The following OR51L1 variants were observed in gnomAD, a reference collection of about 807,000 sequenced individuals.
OR51L1 encodes olfactory receptor 51L1.
Under a neutral mutation model 1.4 loss-of-function variants are expected in OR51L1, and 1 was observed. The ratio of observed to expected loss-of-function variants is 0.72; its 90% CI spans 0.26 to 3.42. The LOEUF (loss-of-function observed/expected upper bound fraction) is 3.42, where lower values mean the gene tolerates loss of function less well. Ranked by LOEUF, OR51L1 falls within the 30% of genes most tolerant of loss-of-function variation. OR51L1 has a pLI of 0.20. For missense variants in OR51L1, 378 were observed against 380.0 expected, an observed-to-expected ratio of 0.99 and a Z score of 0.04; for synonymous variants, 156 against 144.2, an observed-to-expected ratio of 1.08 and a Z score of -0.59.
At chr11:4,996,672 T>TTAGGGGACTTGCACA (rs1847071272) in intron 1 of OR51L1, among the ~76,000 whole-genome samples, 1 of 151,934 alleles carries the variant, frequency 6.6e-6, no homozygotes, top group South Asian at 2.1e-4. Flanking sequence ...TCTTTTTCTT[T>TTAGGGGACTTGCACA]TTTTCTCTTT....
chr11:4,996,696 TC>T (rs1332417890), intron 1 of OR51L1, among the ~76,000 whole-genome samples: 222 of 130,740 alleles, frequency 1.7e-3, no homozygotes, highest in African/African-American at 6.4e-3. Context: ...TCTTTTTCTT[TC>T]TTTTCCTTCC....
rs1289455190 is a variant in OR51L1, at chr11:5,001,807, C to T, written c.*1877C>T. 1 of 152,056 alleles carries T rather than the reference C, an allele frequency of 6.6e-6. No individual in the cohort carries two copies. Among genetic ancestry groups the T allele is most frequent in the East Asian group, 1.9e-4 (1 of 5,190 alleles). 9.4% of individuals were successfully genotyped at this position (152,056 alleles called of 1,614,324 possible). The stretch of plus-strand genomic sequence containing the variant: ...GTCTTCCCCAACAATCATGAGTACT[C>T]ATTAAATAATTGAAATAACTATTAT... On this transcript the variant is annotated 3_prime_UTR_variant, in exon 3 of 3. Transcript: ENST00000641819.
Position 4,999,508 on chromosome 11 carries a change from CT to C in OR51L1, c.527del (p.Leu176ProfsTer12), listed in dbSNP as rs921350421. 10 of 1,614,066 alleles carry C rather than the reference CT, an allele frequency of 6.2e-6. No individual in the cohort carries two copies. Among genetic ancestry groups the C allele is most frequent in the Non-Finnish European group, 8.5e-6 (10 of 1,180,006 alleles). On this transcript the variant is annotated frameshift_variant, in exon 3 of 3. Coordinates refer to ENST00000641819, the MANE Select transcript of OR51L1 (RefSeq NM_001004755.2). LOFTEE classifies it low-confidence loss of function (END_TRUNC). ...RHYHYCHGNALSHAFCLHQDV... is the reference protein window; with the variant it reads ...RHYHYCHGNAXSHAFCLHQDV... The stretch of plus-strand genomic sequence containing the variant: ...CTATCACTACTGCCATGGCAATGCC[CT>C]CTCTCACGCCTTCTGTTTGCACCAG...
At position 5,003,730 on chromosome 11, in the gene OR51L1, G is replaced by A. The variant is rs968715289; in HGVS notation, c.*3800G>A. ...TTTTTAAATCTCTTAAGTTTCAAGC[G>A]GAAGATCAAACACAGTGTGTAAGCC... On this transcript the variant is annotated 3_prime_UTR_variant, in exon 3 of 3. Coordinates refer to ENST00000641819, the MANE Select transcript of OR51L1 (RefSeq NM_001004755.2). 4.0e-5 allele frequency: 6 copies of A among 151,770 alleles called. No individual in the cohort carries two copies. Among genetic ancestry groups the A allele is most frequent in the Non-Finnish European group, 7.4e-5 (5 of 67,958 alleles). 9.4% of individuals were successfully genotyped at this position (151,770 alleles called of 1,614,324 possible). A position where few individuals can be genotyped will look rare whatever the true frequency, so the allele number is the denominator to read the frequency against.
In OR51L1 at chr11:4,999,352, C is replaced by T. The variant is rs143037587; in HGVS notation, c.370C>T (p.Arg124Cys). 1.5e-4 allele frequency: 235 copies of T among 1,614,094 alleles called. 1 individual carries two copies. In the African/African-American group the frequency reaches 2.3e-3, roughly 16 times the overall value. ...SSVLLAMAFD[R>C]FVAICHPLHY... ...AGTGTTGCTGGCCATGGCCTTTGAC[C>T]GTTTTGTTGCTATCTGCCATCCACT... The change falls in exon 3 of 3, where the codon CGT (arginine) becomes TGT (cysteine). Residue 124 changes from arginine to cysteine, a missense_variant. Coordinates refer to ENST00000641819, the MANE Select transcript of OR51L1 (RefSeq NM_001004755.2).
In OR51L1 at chr11:5,004,573, A is replaced by G. The variant is rs1847159885; in HGVS notation, c.*4643A>G. 6.6e-6 allele frequency: 1 copy of G among 152,072 alleles called. No individual in the cohort carries two copies. Among genetic ancestry groups the G allele is most frequent in the African/African-American group, 2.4e-5 (1 of 41,406 alleles). The allele number at this position is 152,072 out of a possible 1,614,324, so 9.4% of individuals were successfully genotyped here. Reference sequence around the variant, plus strand: ...TCATTACACGCCTCTGGTAGAAGAGAGAGAATAATCAAAGAGAAGTACACA... The same window carrying G: ...TCATTACACGCCTCTGGTAGAAGAGGGAGAATAATCAAAGAGAAGTACACA... On this transcript the variant is annotated 3_prime_UTR_variant, in exon 3 of 3. Transcript: ENST00000641819.
intron 2 of OR51L1, among the ~76,000 whole-genome samples, 196 bp from the exon 3 acceptor site, chr11:4,998,628 C>G (rs1252202110): frequency 6.6e-6 from 1 of 152,102 alleles, no homozygotes; most frequent in Non-Finnish European, 1.5e-5. Flanking sequence ...TCGACATTCA[C>G]TCTGACTTTT....
In OR51L1 at chr11:4,999,486, T is replaced by C; in HGVS notation, c.504T>C (p.Tyr168=). 1 of 1,614,140 alleles carries C rather than the reference T, an allele frequency of 6.2e-7. No individual in the cohort carries two copies. Among genetic ancestry groups the C allele is most frequent in the Non-Finnish European group, 8.5e-7 (1 of 1,180,026 alleles). The part of the protein sequence containing the change: ...VLPTPLLLRH[Y]HYCHGNALSH... ...CCACACCTTTGCTACTGAGACACTA[T>C]CACTACTGCCATGGCAATGCCCTCT... Residue 168 remains tyrosine (Y), a synonymous_variant, in exon 3 of 3, where the codon TAT becomes TAC. Coordinates refer to ENST00000641819, the MANE Select transcript of OR51L1 (RefSeq NM_001004755.2).
Position 4,999,484 on chromosome 11 carries a change from T to C in OR51L1, c.502T>C (p.Tyr168His). The part of the protein sequence containing the change: ...VLPTPLLLRH[Y>H]HYCHGNALSH... ...TCCCACACCTTTGCTACTGAGACAC[T>C]ATCACTACTGCCATGGCAATGCCCT... Residue 168 changes from tyrosine to histidine, a missense_variant, in exon 3 of 3, where the codon TAT (tyrosine) becomes CAT (histidine). By Grantham distance (83) the Tyr-to-His change is moderately conservative. Coordinates refer to ENST00000641819, the MANE Select transcript of OR51L1 (RefSeq NM_001004755.2). 2 of 1,614,126 alleles carry C rather than the reference T, an allele frequency of 1.2e-6. No homozygotes were observed. The highest frequency in any genetic ancestry group is 8.5e-7 in the Non-Finnish European group (1 of 1,180,028).
Position 4,998,915 on chromosome 11 carries a change from A to G in OR51L1, c.-68A>G. On this transcript the variant is annotated 5_prime_UTR_variant, in exon 3 of 3. The change creates a new upstream start codon in the 5' untranslated region. Coordinates refer to ENST00000641819, the MANE Select transcript of OR51L1 (RefSeq NM_001004755.2). ...TCCATTATTTGTACTCAAAAGAGAT[A>G]ACTTTGAGGGATCAGGAAGGAAAAC... 1 of 1,515,238 alleles carries G rather than the reference A, an allele frequency of 6.6e-7. No homozygotes were observed. The highest frequency in any genetic ancestry group is 8.9e-7 in the Non-Finnish European group (1 of 1,119,904). 93.9% of individuals were successfully genotyped at this position (1,515,238 alleles called of 1,614,324 possible). A position where few individuals can be genotyped will look rare whatever the true frequency, so the allele number is the denominator to read the frequency against.
In OR51L1 at chr11:4,999,288, G is replaced by T; in HGVS notation, c.306G>T (p.Gln102His). 1 of 1,614,168 alleles carries T rather than the reference G, an allele frequency of 6.2e-7. No individual in the cohort carries two copies. ...TCCAGGCAAGTGCTTGCTATGCTCAGCTGTTCTTCATCCACACATTCACAT... is the reference window on the plus strand; with the variant it reads ...TCCAGGCAAGTGCTTGCTATGCTCATCTGTTCTTCATCCACACATTCACAT... ...PEIQASACYAQLFFIHTFTFL... is the reference protein window; with the variant it reads ...PEIQASACYAHLFFIHTFTFL... Residue 102 changes from glutamine (Q) to histidine (H), a missense_variant, in exon 3 of 3, where the codon CAG becomes CAT. Coordinates refer to ENST00000641819, the MANE Select transcript of OR51L1 (RefSeq NM_001004755.2).
In OR51L1 at chr11:4,999,020, T is replaced by C; in HGVS notation, c.38T>C (p.Ile13Thr). The C allele has an allele frequency of 6.2e-7, 1 of 1,613,936 alleles. No individual in the cohort carries two copies. The highest frequency in any genetic ancestry group is 8.5e-7 in the Non-Finnish European group (1 of 1,179,838). Residue 13 changes from isoleucine to threonine, a missense_variant, in exon 3 of 3, where the codon ATA becomes ACA. By Grantham distance (89) the Ile-to-Thr change is moderately conservative (BLOSUM62 -1). Transcript: ENST00000641819. The stretch of plus-strand genomic sequence containing the variant: ...AATAACAGTGATGCTGTGGAGCCCA[T>C]ATTTATCCTGAGGGGTTTTCCTGGA... ...DWNNSDAVEPIFILRGFPGLE... is the reference protein window; with the variant it reads ...DWNNSDAVEPTFILRGFPGLE...
Position 4,999,477 on chromosome 11 carries a change from G to A in OR51L1, c.495G>A (p.Leu165=), listed in dbSNP as rs113206396. The change falls in exon 3 of 3, where the codon CTG becomes CTA. Residue 165 remains leucine, a synonymous_variant. Coordinates refer to ENST00000641819, the MANE Select transcript of OR51L1 (RefSeq NM_001004755.2). ...TTGTACTTCCCACACCTTTGCTACT[G>A]AGACACTATCACTACTGCCATGGCA... ...LGVVLPTPLL[L]RHYHYCHGNA... 1,836 of 1,614,050 alleles carry A rather than the reference G, an allele frequency of 1.1e-3. 19 individuals are homozygous for A. The African/African-American group carries it at 0.019, about 17-fold the overall frequency.
Position 4,995,161 on chromosome 11 carries a change from T to C in OR51L1, c.-436T>C, listed in dbSNP as rs1847057672. On this transcript the variant is annotated 5_prime_UTR_variant, in exon 1 of 3. It removes the in-frame stop codon of an upstream open reading frame in the 5' UTR. Transcript: ENST00000641819. Reference sequence around the variant, plus strand: ...AGATAATTTGACACATAAAATGAGATAAAGAGAGAAAAAGCCACAGACATA... The same window carrying C: ...AGATAATTTGACACATAAAATGAGACAAAGAGAGAAAAAGCCACAGACATA... 6.6e-6 allele frequency: 1 copy of C among 151,676 alleles called. No homozygotes were observed. Among genetic ancestry groups the C allele is most frequent in the Admixed American group, 6.6e-5 (1 of 15,220 alleles). The allele number at this position is 151,676 out of a possible 1,614,324, so 9.4% of individuals were successfully genotyped here. A position where few individuals can be genotyped will look rare whatever the true frequency, so the allele number is the denominator to read the frequency against.
chr11:4,998,709 A>T, intron 2 of OR51L1, 115 bp from the exon 3 acceptor site: 1 of 365,180 alleles, frequency 2.7e-6, no homozygotes, highest in Non-Finnish European at 4.9e-6. Flanking sequence ...TAAATTCTTT[A>T]GTGTCTTTGA....
intron 2 of OR51L1, among the ~76,000 whole-genome samples, chr11:4,998,555 AGAT>A (rs2133660571): frequency 6.6e-6 from 1 of 152,314 alleles, no homozygotes; most frequent in South Asian, 2.1e-4. Flanking sequence ...ATGAATGAAA[AGAT>A]AGCCTAGAAG....
In OR51L1 at chr11:5,002,547, AT is replaced by A. The variant is rs35651644; in HGVS notation, c.*2630del. 0.3 allele frequency: 44,318 copies of A among 148,612 alleles called. 6,687 individuals carry two copies. The highest frequency in any genetic ancestry group is 0.34 in the African/African-American group (13,987 of 40,684). 9.2% of individuals were successfully genotyped at this position (148,612 alleles called of 1,614,324 possible). A position where few individuals can be genotyped will look rare whatever the true frequency, so the allele number is the denominator to read the frequency against. On this transcript the variant is annotated 3_prime_UTR_variant, in exon 3 of 3. Coordinates refer to ENST00000641819, the MANE Select transcript of OR51L1 (RefSeq NM_001004755.2). ...CAGTAAGTCCAGTAGAAAGCCTTCAATTTTTTTTTTTTTACCTTTTCAGGAA... is the reference window on the plus strand; with the variant it reads ...CAGTAAGTCCAGTAGAAAGCCTTCAATTTTTTTTTTTTACCTTTTCAGGAA...
chr11:4,997,078 C>T (rs1038117634), intron 1 of OR51L1, among the ~76,000 whole-genome samples: 1 of 152,078 alleles, frequency 6.6e-6, no homozygotes, highest in Non-Finnish European at 1.5e-5. Context: ...CAAATGAAAG[C>T]TTCATTCACA....
Position 4,998,860 on chromosome 11 carries a change from G to A in OR51L1, c.-123G>A, listed in dbSNP as rs970467272. 1.6e-5 allele frequency: 17 copies of A among 1,071,248 alleles called. No homozygotes were observed. Among genetic ancestry groups the A allele is most frequent in the Non-Finnish European group, 2.3e-5 (17 of 742,364 alleles). 66.4% of individuals were successfully genotyped at this position (1,071,248 alleles called of 1,614,324 possible). A position where few individuals can be genotyped will look rare whatever the true frequency, so the allele number is the denominator to read the frequency against. On this transcript the variant is annotated 5_prime_UTR_variant, in exon 3 of 3. Coordinates refer to ENST00000641819, the MANE Select transcript of OR51L1 (RefSeq NM_001004755.2). ...GATACCAGCTTCCTTCCTCTGTGAGGTTAGACGAAAGATGTATTTTTGTCC... is the reference window on the plus strand; with the variant it reads ...GATACCAGCTTCCTTCCTCTGTGAGATTAGACGAAAGATGTATTTTTGTCC...
Sources: allele counts gnomAD v4.1 joint callset (sites outside exome capture counted in the v4.1 genomes callset), GRCh38; gene constraint gnomAD v4.1.1; transcripts MANE v1.5; gene names NCBI Gene and HGNC (gene_info 2026-07-23, HGNC 2026-07-21).